The following LDLRAD4 variants were observed in gnomAD, a reference collection of about 807,000 sequenced individuals.
The protein encoded by LDLRAD4 is low density lipoprotein receptor class A domain containing 4.
LDLRAD4 carries 5 observed loss-of-function variants against 17.0 expected under a neutral mutation model. That is an observed-to-expected ratio of 0.29 (90% CI 0.15 to 0.62). The LOEUF (loss-of-function observed/expected upper bound fraction) is 0.62, where lower values mean the gene tolerates loss of function less well. Among genes scored for constraint, LDLRAD4 ranks in the 20% least tolerant of loss-of-function variants. LDLRAD4 has a pLI of 0.84. For synonymous variants in LDLRAD4, 168 were observed against 171.8 expected, an observed-to-expected ratio of 0.98 and a Z score of 0.17; for missense variants, 340 against 424.7, an observed-to-expected ratio of 0.80 and a Z score of 1.75.
intron 3 of LDLRAD4, among the ~76,000 whole-genome samples, chr18:13,517,295 C>G (rs1019164240): frequency 6.6e-6 from 1 of 152,256 alleles, no homozygotes; most frequent in African/African-American, 2.4e-5. Context: ...ATGTTCCTGT[C>G]ATCTTCCACT....
At chr18:13,625,654 T>TGTGCAG (rs1309598685) in intron 4 of LDLRAD4, among the ~76,000 whole-genome samples, 3 of 151,982 alleles carry the variant, frequency 2.0e-5, no homozygotes, top group South Asian at 2.1e-4. Context: ...GGTGTGCTCC[T>TGTGCAG]GTGCAGGTGC....
chr18:13,558,924 C>T (rs1396417673), intron 3 of LDLRAD4, among the ~76,000 whole-genome samples: 14 of 151,982 alleles, frequency 9.2e-5, no homozygotes. Context: ...CGGGGGCCAC[C>T]CTGTGCACTA....
intron 3 of LDLRAD4, among the ~76,000 whole-genome samples, chr18:13,516,522 A>G (rs2093869223): frequency 6.6e-6 from 1 of 152,156 alleles, no homozygotes; most frequent in Non-Finnish European, 1.5e-5. Flanking sequence ...CTCCTTCACA[A>G]ATGTGTGTAC....
At chr18:13,370,715 T>TTTTTTTTTTTTTTTTG (rs1555663261) in intron 1 of LDLRAD4, among the ~76,000 whole-genome samples, 2 of 121,000 alleles carry the variant, frequency 1.7e-5, no homozygotes, top group African/African-American at 3.5e-5. Context: ...TTTGTTTTGT[T>TTTTTTTTTTTTTTTTG]TTTTTTTTTT....
At chr18:13,451,035 T>C (rs1049816566) in intron 3 of LDLRAD4, among the ~76,000 whole-genome samples, 1 of 152,152 alleles carries the variant, frequency 6.6e-6, no homozygotes, top group African/African-American at 2.4e-5. Context: ...CACAAAGCTG[T>C]TGTATAGCCG....
chr18:13,375,865 G>A (rs1194006589), intron 1 of LDLRAD4, among the ~76,000 whole-genome samples: 13 of 152,212 alleles, frequency 8.5e-5, no homozygotes, highest in East Asian at 7.7e-4. Context: ...CTTGTCCACC[G>A]GCGTATGTGT....
At chr18:13,334,332 G>A (rs2082003938) in intron 1 of LDLRAD4, among the ~76,000 whole-genome samples, 1 of 152,068 alleles carries the variant, frequency 6.6e-6, no homozygotes, top group East Asian at 1.9e-4. Flanking sequence ...CCACCTCCTG[G>A]GTTCAAGAGA....
At chr18:13,310,550 G>C (rs753955804) in intron 1 of LDLRAD4, among the ~76,000 whole-genome samples, 32 of 152,322 alleles carry the variant, frequency 2.1e-4, no homozygotes, top group Non-Finnish European at 4.0e-4. Flanking sequence ...AGCCAGAGCA[G>C]GGCTTTGTGG....
chr18:13,300,969 C>T lies in LDLRAD4; in HGVS notation c.-383+22781C>T, dbSNP rs1010302541. ...CCAGTGCCCGAGTCCCCGCTGTGAG[C>T]GCCCTGAGGAGCATGTGTGTCTCCG... On this transcript the variant is annotated intron_variant, in intron 1 of 5. Coordinates refer to ENST00000359446, the Ensembl canonical transcript of LDLRAD4. This position sits in a 1 kb window ranked among gnomAD's most constrained non-coding sequence, Gnocchi z 4.2. Among the ~76,000 whole-genome samples, 5 of 152,198 alleles carry T rather than the reference C, an allele frequency of 3.3e-5. No individual in the cohort carries two copies. The highest frequency in any genetic ancestry group is 1.2e-4 in the African/African-American group (5 of 41,458).
chr18:13,599,920 A>G (rs1441294700), intron 3 of LDLRAD4, among the ~76,000 whole-genome samples: 1 of 152,230 alleles, frequency 6.6e-6, no homozygotes, highest in African/African-American at 2.4e-5. Flanking sequence ...AAATGAGCAA[A>G]AGAAAGAAAA....
At chr18:13,470,335 T>A (rs1431673426) in intron 3 of LDLRAD4, among the ~76,000 whole-genome samples, 1 of 152,036 alleles carries the variant, frequency 6.6e-6, no homozygotes, top group Non-Finnish European at 1.5e-5. Flanking sequence ...TTGTGTTTCA[T>A]GAGGAAATAA....
intron 1 of LDLRAD4, among the ~76,000 whole-genome samples, chr18:13,247,912 C>T (rs2043036003): frequency 6.6e-6 from 1 of 150,988 alleles, no homozygotes; most frequent in Non-Finnish European, 1.5e-5. Context: ...TCAGTGTGAC[C>T]CAGTGGTTCA....
chr18:13,474,147 C>T (rs1339489495), intron 3 of LDLRAD4, among the ~76,000 whole-genome samples: 2 of 152,156 alleles, frequency 1.3e-5, no homozygotes, highest in Non-Finnish European at 2.9e-5. Flanking sequence ...TTGGAAGCTT[C>T]CTGAGGCTTC....
chr18:13,395,993 A>G (rs1236049708), intron 2 of LDLRAD4, among the ~76,000 whole-genome samples: 1 of 152,144 alleles, frequency 6.6e-6, no homozygotes, highest in Admixed American at 6.5e-5. Context: ...AAACTTGGCT[A>G]GAAGTCAAGT....
In LDLRAD4 at chr18:13,645,343, G is replaced by A; in HGVS notation, c.607G>A (p.Glu203Lys). The A allele has an allele frequency of 6.2e-7, 1 of 1,614,198 alleles. No individual in the cohort carries two copies. ...TGAACAGCAGATGGAACTCAACCGA[G>A]AGTCCGTGAGGGCCCCACCCAACCG... is the stretch of plus-strand genomic sequence containing the variant. The change falls in exon 6 of 6, where the codon GAG becomes AAG. Residue 203 changes from glutamate to lysine, a missense_variant. Transcript: ENST00000359446. The surrounding 1 kb of genome is among the most constrained non-coding windows in gnomAD (Gnocchi z 5.7).
At chr18:13,504,143 A>G (rs1021379602) in intron 3 of LDLRAD4, among the ~76,000 whole-genome samples, 9 of 152,188 alleles carry the variant, frequency 5.9e-5, no homozygotes, top group African/African-American at 2.2e-4. Flanking sequence ...GAGCTGGGCA[A>G]TCTGGCCCCA....
At chr18:13,624,369 C>G (rs185612141) in intron 4 of LDLRAD4, among the ~76,000 whole-genome samples, 287 of 152,352 alleles carry the variant, frequency 1.9e-3, no homozygotes, top group South Asian at 5.6e-3. Context: ...TGACTCCTGC[C>G]TCCTCTGCTC....
chr18:13,444,856 G>C (rs1196624988), intron 3 of LDLRAD4, among the ~76,000 whole-genome samples: 1 of 152,224 alleles, frequency 6.6e-6, no homozygotes, highest in Non-Finnish European at 1.5e-5. Context: ...TGCTTGCAAG[G>C]CCTAGTACCT....
chr18:13,368,750 T>C (rs1480615430), intron 1 of LDLRAD4, among the ~76,000 whole-genome samples: 2 of 152,220 alleles, frequency 1.3e-5, no homozygotes, highest in African/African-American at 4.8e-5. Context: ...ACCTGAACTT[T>C]GTGTAGGCTG....
Sources: allele counts gnomAD v4.1 joint callset (sites outside exome capture counted in the v4.1 genomes callset), GRCh38; gene constraint gnomAD v4.1.1; non-coding constraint Gnocchi (gnomAD v3.1); transcripts MANE v1.5; gene names NCBI Gene and HGNC (gene_info 2026-07-23, HGNC 2026-07-21).